UBR2: variants seen among roughly 807,000 people sequenced by gnomAD.
The protein encoded by UBR2 is E3 ubiquitin-protein ligase UBR2.
A neutral mutation model predicts 247.9 loss-of-function variants in UBR2; 92 were observed. The ratio of observed to expected loss-of-function variants is 0.37; its 90% CI spans 0.31 to 0.44. The LOEUF (loss-of-function observed/expected upper bound fraction) is 0.44. UBR2 is among the 20% of genes least tolerant of loss of function. The probability of loss-of-function intolerance (pLI) is 1.00; values close to 1 mark genes in which losing one functional copy is unlikely to be tolerated. For missense variants in UBR2, 1,613 were observed against 2,112.6 expected (o/e 0.76, Z 4.64); for synonymous variants, 672 against 693.5 (o/e 0.97, Z 0.49).
At chr6:42,651,995 C>T (rs202057514) in intron 23 of UBR2, 28 bp from the exon 24 acceptor site, 426 of 1,569,520 alleles carry the variant, frequency 2.7e-4, no homozygotes, top group South Asian at 8.6e-4. Context: ...TACTAATTCC[C>T]GGTCCAAATA....
In UBR2 at chr6:42,617,810, A is replaced by G. The variant is rs150594504; in HGVS notation, c.1281+303A>G. On this transcript the variant is annotated intron_variant, in intron 11 of 46. Transcript: ENST00000372901. The stretch of plus-strand genomic sequence containing the variant: ...GAACTGATTAGTTCACATTAAGCCG[A>G]TTGATTTCACAAATTATCCTTCACG... Among the ~76,000 whole-genome samples the G allele has an allele frequency of 4.0e-3, 607 of 152,282 alleles. 1 individual carries two copies. Among genetic ancestry groups the G allele is most frequent in the Non-Finnish European group, 5.8e-3 (394 of 68,020 alleles).
Position 42,587,835 on chromosome 6 carries a change from G to A in UBR2, c.339-4316G>A, listed in dbSNP as rs370811725. On this transcript the variant is annotated intron_variant, in intron 2 of 46. Coordinates refer to ENST00000372901, the MANE Select transcript of UBR2 (RefSeq NM_001363705.2). The stretch of plus-strand genomic sequence containing the variant: ...TGGCCATACCACCCTGAATGTGCCC[G>A]ATCTCATCTGAAAATGTTTTTATTT... Among the ~76,000 whole-genome samples the A allele has an allele frequency of 3.9e-4, 59 of 150,872 alleles. No homozygotes were observed. The East Asian group carries it at 0.01, about 27-fold the overall frequency.
At chr6:42,635,613 G>C in intron 14 of UBR2, 67 bp downstream of exon 14, 1 of 1,532,932 alleles carries the variant, frequency 6.5e-7, no homozygotes, top group Non-Finnish European at 8.9e-7. Context: ...AGAATCCTAA[G>C]TAAATTTCAA....
chr6:42,582,530 T>A (rs963870356), intron 2 of UBR2, among the ~76,000 whole-genome samples: 1 of 152,190 alleles, frequency 6.6e-6, no homozygotes, highest in African/African-American at 2.4e-5. Context: ...TAAAAACTGC[T>A]AAACCTTTTT....
rs370472321 is a variant in UBR2, at chr6:42,605,855, G to A, written c.797G>A (p.Arg266Gln). 1.7e-5 allele frequency: 27 copies of A among 1,602,108 alleles called. No individual in the cohort carries two copies. The highest frequency in any genetic ancestry group is 1.9e-5 in the Non-Finnish European group (22 of 1,176,740). The change falls in exon 6 of 47, where the codon CGA becomes CAA. Residue 266 changes from arginine to glutamine, a missense_variant. Physicochemically the swap from Arg to Gln is conservative, Grantham distance 43. Around this residue, in one of 3 missense-constraint regions of UBR2, gnomAD observed 1,524 missense variants for 1,967.3 expected, o/e 0.77. Coordinates refer to ENST00000372901, the MANE Select transcript of UBR2 (RefSeq NM_001363705.2). Reference protein sequence around the residue: ...EAIGFATTVDRDGRRSVRYGD... With the variant: ...EAIGFATTVDQDGRRSVRYGD... ...ATTGGTTTTGCAACTACAGTAGATC[G>A]AGATGTAAGTAATTTTACCATGTTG...
At position 42,662,344 on chromosome 6, in the gene UBR2, G is replaced by A. The variant is rs1797863607; in HGVS notation, c.3536+67G>A. ...AGGGCTCAATATTTTTTAAATAGAG[G>A]AAATTTCATTCTAGAAAAAAGGAAA... is the stretch of plus-strand genomic sequence containing the variant. On this transcript the variant is annotated intron_variant, in intron 31 of 46. Transcript: ENST00000372901. The A allele has an allele frequency of 1.9e-5, 19 of 1,006,190 alleles. 1 individual carries two copies. Among genetic ancestry groups the A allele is most frequent in the Middle Eastern group, 2.1e-4 (1 of 4,676 alleles). 62.3% of individuals were successfully genotyped at this position (1,006,190 alleles called of 1,614,324 possible).
intron 17 of UBR2, among the ~76,000 whole-genome samples, chr6:42,642,039 T>G (rs970933500): frequency 2.0e-5 from 3 of 152,184 alleles, no homozygotes; most frequent in African/African-American, 7.2e-5. Flanking sequence ...GTTTTACTTT[T>G]TATAGACCTC....
chr6:42,579,484 C>T (rs1791737651), intron 2 of UBR2, among the ~76,000 whole-genome samples: 1 of 152,118 alleles, frequency 6.6e-6, no homozygotes, highest in African/African-American at 2.4e-5. Flanking sequence ...TGTGAATAGT[C>T]CAGAGATTGG....
At chr6:42,619,278 A>G (rs1794749168) in intron 11 of UBR2, among the ~76,000 whole-genome samples, 1 of 151,076 alleles carries the variant, frequency 6.6e-6, no homozygotes, top group African/African-American at 2.4e-5. Context: ...AAGACCTTAT[A>G]TTTGTAGATT....
intron 4 of UBR2, among the ~76,000 whole-genome samples, chr6:42,597,790 C>G (rs1341156478): frequency 6.6e-6 from 1 of 151,816 alleles, no homozygotes; most frequent in African/African-American, 2.4e-5. Flanking sequence ...GTGGCACATG[C>G]CTGTAATCCC....
chr6:42,652,645 G>C lies in UBR2; in HGVS notation c.2769G>C (p.Arg923Ser). ...GYAWSESMLQ[R>S]VLHLIGMALQ... is the part of the protein sequence containing the mutation. Reference sequence around the variant, plus strand: ...CCTGGTCAGAGTCCATGCTGCAAAGGGTAGGTTTGAAGACATTTATTATTT... The same window carrying C: ...CCTGGTCAGAGTCCATGCTGCAAAGCGTAGGTTTGAAGACATTTATTATTT... The change falls in exon 25 of 47, where the codon AGG (arginine) becomes AGC (serine). Residue 923 changes from arginine to serine, a missense_variant and splice_region_variant. Physicochemically the swap from Arg to Ser is moderately radical, Grantham distance 110. Coordinates refer to ENST00000372901, the MANE Select transcript of UBR2 (RefSeq NM_001363705.2). 1.2e-6 allele frequency: 2 copies of C among 1,607,364 alleles called. No individual in the cohort carries two copies. The highest frequency in any genetic ancestry group is 2.3e-5 in the South Asian group (2 of 88,698).
chr6:42,667,878 C>T (rs1055540801), intron 34 of UBR2, among the ~76,000 whole-genome samples: 2 of 151,500 alleles, frequency 1.3e-5, no homozygotes, highest in Non-Finnish European at 2.9e-5. Context: ...CCTGCCTCAG[C>T]CTCCCAAGTA....
chr6:42,661,604 A>G (rs1181434300), intron 30 of UBR2, among the ~76,000 whole-genome samples: 1 of 152,214 alleles, frequency 6.6e-6, no homozygotes, highest in African/African-American at 2.4e-5. Context: ...TTTGAATATA[A>G]AAATTAGCAC....
At chr6:42,664,620 A>G (rs1798008830) in intron 32 of UBR2, among the ~76,000 whole-genome samples, 1 of 152,220 alleles carries the variant, frequency 6.6e-6, no homozygotes, top group South Asian at 2.1e-4. Flanking sequence ...ATATTAGTAG[A>G]TTTGAGTGTA....
chr6:42,606,609 T>C lies in UBR2; in HGVS notation c.822T>C (p.Tyr274=). ...VDRDGRRSVR[Y]GDFQYCEQAK... ...TACAGGGGCGTAGGTCTGTTCGATA[T>C]GGAGATTTTCAGTATTGTGAGCAAG... The change falls in exon 7 of 47, where the codon TAT becomes TAC. Residue 274 remains tyrosine, a synonymous_variant. Coordinates refer to ENST00000372901, the MANE Select transcript of UBR2 (RefSeq NM_001363705.2). 1 of 1,609,726 alleles carries C rather than the reference T, an allele frequency of 6.2e-7. No individual in the cohort carries two copies.
intron 2 of UBR2, among the ~76,000 whole-genome samples, chr6:42,584,111 C>T (rs1792097120): frequency 6.6e-6 from 1 of 151,798 alleles, no homozygotes; most frequent in African/African-American, 2.4e-5. Context: ...AATTCTCCCG[C>T]CTCAGCCTCC....
intron 21 of UBR2, 88 bp downstream of exon 21, chr6:42,645,678 T>C (rs184426098): frequency 1.5e-6 from 2 of 1,357,612 alleles, no homozygotes; most frequent in South Asian, 1.3e-5. Context: ...CTGTATACCT[T>C]TCTCACAATT....
intron 36 of UBR2, among the ~76,000 whole-genome samples, chr6:42,673,212 CG>C (rs1223262550): frequency 6.6e-6 from 1 of 152,184 alleles, no homozygotes; most frequent in Non-Finnish European, 1.5e-5. Context: ...CTACATTTTA[CG>C]GAAGAGTATC....
chr6:42,677,303 T>A (rs1798768964), intron 40 of UBR2, among the ~76,000 whole-genome samples: 1 of 152,166 alleles, frequency 6.6e-6, no homozygotes, highest in Non-Finnish European at 1.5e-5. Flanking sequence ...CCATGTATGG[T>A]TAGAGTCATG....
Sources: allele counts gnomAD v4.1 joint callset (sites outside exome capture counted in the v4.1 genomes callset), GRCh38; gene constraint gnomAD v4.1.1; regional missense constraint gnomAD v4.1.1; transcripts MANE v1.5; gene names NCBI Gene and HGNC (gene_info 2026-07-23, HGNC 2026-07-21).